PSMA6: variants seen among roughly 807,000 people sequenced by gnomAD.
PSMA6 encodes the protein proteasome 20S subunit alpha 6, also known as proteasome subunit alpha type-6.
For synonymous variants in PSMA6, 88 were observed against 97.7 expected (o/e 0.90, Z 0.59); for missense variants, 170 against 294.8 (o/e 0.58, Z 3.10).
chr14:35,296,943 CCT>C (rs1367227049), intron 1 of PSMA6, among the ~76,000 whole-genome samples: 3 of 150,686 alleles, frequency 2.0e-5, no homozygotes, highest in Non-Finnish European at 4.4e-5. Context: ...TCATATTCCC[CCT>C]CTCTTTCCCC....
In PSMA6 at chr14:35,312,819, A is replaced by G. The variant is rs748381299; in HGVS notation, c.410-62A>G. ...TAGCAGCAGCTATGTGACACCACCA[A>G]GAAAGAGGAGATGTCATTGTATAAA... On this transcript the variant is annotated intron_variant, in intron 4 of 6. Coordinates refer to ENST00000261479, the MANE Select transcript of PSMA6 (RefSeq NM_002791.3). 38 of 1,428,546 alleles carry G rather than the reference A, an allele frequency of 2.7e-5. No homozygotes were observed. The Middle Eastern group carries it at 1.1e-3, about 41-fold the overall frequency. 88.5% of individuals were successfully genotyped at this position (1,428,546 alleles called of 1,614,324 possible).
intron 1 of PSMA6, among the ~76,000 whole-genome samples, chr14:35,295,384 T>C (rs1206648053): frequency 6.6e-6 from 1 of 151,724 alleles, no homozygotes; most frequent in Non-Finnish European, 1.5e-5. Context: ...AAACATACTT[T>C]ATAATTATTA....
intron 1 of PSMA6, among the ~76,000 whole-genome samples, chr14:35,295,875 G>A (rs544774218): frequency 1.3e-5 from 2 of 152,360 alleles, no homozygotes; most frequent in East Asian, 3.9e-4. Flanking sequence ...ACTAGAGGGA[G>A]GAGGTGCATT....
At chr14:35,306,601 C>T (rs913838472) in intron 1 of PSMA6, among the ~76,000 whole-genome samples, 2 of 151,020 alleles carry the variant, frequency 1.3e-5, no homozygotes, top group Non-Finnish European at 3.0e-5. Flanking sequence ...CTACTCAGGA[C>T]GAGGCCGAGG....
chr14:35,292,761 G>A (rs17458562), intron 1 of PSMA6, among the ~76,000 whole-genome samples: 8,794 of 152,332 alleles, frequency 0.058, 334 homozygotes, highest in Middle Eastern at 0.11. Flanking sequence ...TCTCTGCAGG[G>A]CGAGCGGCCA....
chr14:35,280,080 G>A (rs1394100071), intron 1 of PSMA6, among the ~76,000 whole-genome samples: 5 of 150,858 alleles, frequency 3.3e-5, no homozygotes, highest in African/African-American at 4.9e-5. Context: ...AGCCGAGATC[G>A]CGCCACTACA....
At chr14:35,304,171 C>T (rs1478576398) in intron 1 of PSMA6, among the ~76,000 whole-genome samples, 1 of 152,062 alleles carries the variant, frequency 6.6e-6, no homozygotes, top group Non-Finnish European at 1.5e-5. Flanking sequence ...TGCGGTTTCA[C>T]CATGTCGGCC....
At chr14:35,301,729 T>C (rs945959083) in intron 1 of PSMA6, among the ~76,000 whole-genome samples, 2 of 152,228 alleles carry the variant, frequency 1.3e-5, no homozygotes, top group Non-Finnish European at 2.9e-5. Flanking sequence ...TTGAGAAGCA[T>C]TTTTTATATG....
intron 3 of PSMA6, among the ~76,000 whole-genome samples, 193 bp from the exon 4 acceptor site, chr14:35,310,547 T>C (rs2051924277): frequency 6.6e-6 from 1 of 152,190 alleles, no homozygotes; most frequent in Non-Finnish European, 1.5e-5. Context: ...GAGAGCTTCA[T>C]GTTTTTAAAT....
intron 1 of PSMA6, chr14:35,278,758 TA>T: frequency 1.3e-6 from 2 of 1,526,542 alleles, no homozygotes; most frequent in Non-Finnish European, 1.8e-6. Context: ...AGATGTACTA[TA>T]TTACTGATTC....
intron 1 of PSMA6, among the ~76,000 whole-genome samples, chr14:35,285,489 T>C (rs7492294): frequency 6.6e-6 from 1 of 152,196 alleles, no homozygotes; most frequent in Non-Finnish European, 1.5e-5. Context: ...TCTCTCTCCC[T>C]CTCTCCAATT....
intron 3 of PSMA6, among the ~76,000 whole-genome samples, chr14:35,309,247 A>G (rs2051891732): frequency 6.6e-6 from 1 of 152,200 alleles, no homozygotes; most frequent in African/African-American, 2.4e-5. Flanking sequence ...CCTTTCATAG[A>G]TGATTTTATC....
In PSMA6 at chr14:35,314,499, C is replaced by T. The variant is rs1035294535; in HGVS notation, c.683+44C>T. 7.6e-6 allele frequency: 12 copies of T among 1,575,980 alleles called. 1 individual carries two copies. The highest frequency in any genetic ancestry group is 7.0e-5 in the Admixed American group (4 of 57,006). ...CACATGCAGACTAGAAAGGTGGAGG[C>T]GTGTGAGTCCATGTGTCCTATAACT... On this transcript the variant is annotated intron_variant, in intron 6 of 6. Transcript: ENST00000261479.
At chr14:35,290,798 A>G (rs2051469107), upstream of PSMA6, among the ~76,000 whole-genome samples, 1 of 152,068 alleles carries the variant, frequency 6.6e-6, no homozygotes, top group Non-Finnish European at 1.5e-5. Context: ...CCTTGGGGAA[A>G]GTCAAAATAG....
At chr14:35,289,915 CAA>C (rs750610944), upstream of PSMA6, among the ~76,000 whole-genome samples, 26 of 79,646 alleles carry the variant, frequency 3.3e-4, no homozygotes, top group African/African-American at 1.1e-3. Context: ...TACCGCATTT[CAA>C]AAAAAAAAAA....
At chr14:35,289,767 T>C (rs1397635584), upstream of PSMA6, among the ~76,000 whole-genome samples, 1 of 151,946 alleles carries the variant, frequency 6.6e-6, no homozygotes, top group Non-Finnish European at 1.5e-5. Context: ...AAAAAATTTT[T>C]TTTAAACTAG....
chr14:35,314,008 G>A (rs571194623), intron 5 of PSMA6: 18 of 155,074 alleles, frequency 1.2e-4, no homozygotes, highest in Middle Eastern at 3.3e-3. Context: ...TTCTTAAATC[G>A]TTTTTACTGT....
chr14:35,287,375 T>A (rs949769880), intron 1 of PSMA6, among the ~76,000 whole-genome samples: 1 of 152,238 alleles, frequency 6.6e-6, no homozygotes, highest in Non-Finnish European at 1.5e-5. Context: ...CACAGGGCAC[T>A]GTGTTTCAAC....
chr14:35,316,186 GA>G (rs1346694833), intron 6 of PSMA6: 7 of 151,984 alleles, frequency 4.6e-5, no homozygotes, highest in African/African-American at 1.4e-4. Flanking sequence ...AGGAGTTTGA[GA>G]CCAGCCTGGC....
Sources: allele counts gnomAD v4.1 joint callset (sites outside exome capture counted in the v4.1 genomes callset), GRCh38; gene constraint gnomAD v4.1.1; transcripts MANE v1.5; gene names NCBI Gene and HGNC (gene_info 2026-07-23, HGNC 2026-07-21).